The following RGS5 variants were observed in gnomAD, a reference collection of about 807,000 sequenced individuals.
RGS5 encodes regulator of G protein signaling 5.
In RGS5, 20 loss-of-function variants were observed where a neutral mutation model predicts 18.9. The ratio of observed to expected loss-of-function variants is 1.06; its 90% CI spans 0.74 to 1.54. RGS5 has a LOEUF of 1.54. Among genes scored for constraint, RGS5 ranks in the 40% most tolerant of loss-of-function variants. RGS5 has a pLI of 0.00. For missense variants in RGS5, 201 were observed against 211.8 expected (o/e 0.95, Z 0.32); for synonymous variants, 57 against 76.2 (o/e 0.75, Z 1.31).
intron 2 of RGS5, among the ~76,000 whole-genome samples, chr1:163,288,937 C>T (rs181819585): frequency 2.1e-3 from 320 of 152,248 alleles, no homozygotes; most frequent in Non-Finnish European, 4.1e-3. Context: ...TCATCTTTCT[C>T]GAATCTTCCC....
At chr1:163,217,571 C>T (rs1220338259) in exon 1 of RGS5, 1 of 1,546,920 alleles carries the variant, frequency 6.5e-7, no homozygotes, top group East Asian at 2.5e-5. Context: ...TGAGAATATC[C>T]TGTGAAATGT....
intron 4 of RGS5, among the ~76,000 whole-genome samples, chr1:163,150,403 C>A (rs1452206448): frequency 6.6e-6 from 1 of 152,078 alleles, no homozygotes; most frequent in African/African-American, 2.4e-5. Context: ...TTCAGCAAAT[C>A]TTAGAATTCT....
intron 2 of RGS5, among the ~76,000 whole-genome samples, chr1:163,258,216 A>G (rs1222254221): frequency 6.6e-6 from 1 of 152,268 alleles, no homozygotes; most frequent in African/African-American, 2.4e-5. Context: ...AACCCCAACT[A>G]GTTTCTCAGG....
chr1:163,164,258 T>C (rs1235554198), intron 2 of RGS5, among the ~76,000 whole-genome samples: 1 of 152,222 alleles, frequency 6.6e-6, no homozygotes, highest in Non-Finnish European at 1.5e-5. Flanking sequence ...CAGATCTAAA[T>C]GACCAATAAA....
At chr1:163,225,923 ATTT>A (rs113155202) in intron 2 of RGS5, among the ~76,000 whole-genome samples, 2 of 147,956 alleles carry the variant, frequency 1.4e-5, no homozygotes, top group Admixed American at 6.7e-5. Flanking sequence ...ATCACAAGTA[ATTT>A]TTTTTTTTTT....
chr1:163,252,074 C>A (rs1318676080), intron 2 of RGS5, among the ~76,000 whole-genome samples: 1 of 152,144 alleles, frequency 6.6e-6, no homozygotes, highest in African/African-American at 2.4e-5. Flanking sequence ...TACTAAGTAA[C>A]TGCCAAATTA....
upstream of RGS5, among the ~76,000 whole-genome samples, chr1:163,221,460 T>C (rs1647226376): frequency 6.6e-6 from 1 of 152,024 alleles, no homozygotes; most frequent in South Asian, 2.1e-4. Context: ...CACACCAGCC[T>C]GGGCAACAGA....
At chr1:163,147,806 A>T (rs901878074) in intron 4 of RGS5, among the ~76,000 whole-genome samples, 2 of 94 alleles carry the variant, frequency 0.021, no homozygotes, top group Non-Finnish European at 0.043. Context: ...ATAGAAAAAA[A>T]TATTATATGC....
chr1:163,161,997 G>A (rs1468709533), intron 2 of RGS5, 21 bp from the exon 3 acceptor site: 12 of 1,594,332 alleles, frequency 7.5e-6, no homozygotes, highest in Non-Finnish European at 1.0e-5. Context: ...AATAAGGAGA[G>A]AAAAGGGGTA....
intron 1 of RGS5, chr1:163,211,651 G>A (rs572292771): frequency 6.6e-6 from 1 of 152,152 alleles, no homozygotes; most frequent in Admixed American, 6.5e-5. Context: ...TGATTCTAAT[G>A]GAAATTCCAG....
chr1:163,221,263 C>T (rs1396930077), upstream of RGS5, among the ~76,000 whole-genome samples: 1 of 152,106 alleles, frequency 6.6e-6, no homozygotes, highest in Non-Finnish European at 1.5e-5. Flanking sequence ...TTTGAGAGGC[C>T]AAGGTGAGCA....
intron 2 of RGS5, among the ~76,000 whole-genome samples, chr1:163,285,865 T>TC (rs1282961127): frequency 6.6e-6 from 1 of 151,778 alleles, no homozygotes; most frequent in African/African-American, 2.4e-5. Flanking sequence ...TCCCAGCGCC[T>TC]CCCCAGAAGC....
At chr1:163,263,171 T>C (rs972310398) in intron 2 of RGS5, among the ~76,000 whole-genome samples, 6 of 152,150 alleles carry the variant, frequency 3.9e-5, no homozygotes, top group African/African-American at 1.4e-4. Flanking sequence ...TCTTCTGTAA[T>C]TTCTGCAATT....
chr1:163,321,574 T>C (rs1201814257), intron 1 of RGS5: 2 of 152,212 alleles, frequency 1.3e-5, no homozygotes, highest in Admixed American at 6.5e-5. Flanking sequence ...ACCCGGCACA[T>C]AATCAATGTT....
At chr1:163,228,349 C>CATGGA (rs1647387770) in intron 2 of RGS5, among the ~76,000 whole-genome samples, 1 of 152,266 alleles carries the variant, frequency 6.6e-6, no homozygotes, top group Admixed American at 6.5e-5. Flanking sequence ...CCCAACACCA[C>CATGGA]ATGGAAGCTG....
intron 2 of RGS5, among the ~76,000 whole-genome samples, chr1:163,276,083 C>T (rs1648845505): frequency 6.6e-6 from 1 of 152,132 alleles, no homozygotes; most frequent in Non-Finnish European, 1.5e-5. Flanking sequence ...CAACCTTCAC[C>T]TTCCGGGTTC....
At chr1:163,163,034 T>G (rs1657873543) in intron 2 of RGS5, among the ~76,000 whole-genome samples, 1 of 85,888 alleles carries the variant, frequency 1.2e-5, no homozygotes. Context: ...TATACAATGA[T>G]ATTTCGGGGG....
At chr1:163,225,703 C>T (rs1207288211) in intron 2 of RGS5, among the ~76,000 whole-genome samples, 1 of 152,102 alleles carries the variant, frequency 6.6e-6, no homozygotes, top group Non-Finnish European at 1.5e-5. Context: ...GCACTAGACA[C>T]ACCAGTCCAA....
chr1:163,291,434 G>T (rs1406952413), intron 2 of RGS5, among the ~76,000 whole-genome samples: 2 of 152,136 alleles, frequency 1.3e-5, no homozygotes, highest in East Asian at 3.9e-4. Context: ...CCTTTGTGAA[G>T]TTAATGACAG....
Sources: gnomAD v4.1 joint callset for allele counts (sites outside exome capture counted in the v4.1 genomes callset) on GRCh38, gnomAD v4.1.1 for gene constraint, MANE v1.5 for transcripts, NCBI Gene and HGNC (gene_info 2026-07-23, HGNC 2026-07-21) for gene names.